Variants in JKAMP observed in about 807,000 individuals in gnomAD.
JKAMP encodes JNK1/MAPK8 associated membrane protein.
Under a neutral mutation model 40.2 loss-of-function variants are expected in JKAMP, and 20 were observed. That is an observed-to-expected ratio of 0.50 (90% CI 0.35 to 0.72). JKAMP has a LOEUF of 0.72. Among genes scored for constraint, JKAMP ranks in the 30% least tolerant of loss-of-function variants. JKAMP has a pLI of 0.01. For missense variants in JKAMP, 276 were observed against 373.0 expected (o/e 0.74, Z 2.14); for synonymous variants, 138 against 131.6 (o/e 1.05, Z -0.33).
At chr14:59,489,261 G>C (rs1890809770) in intron 3 of JKAMP, among the ~76,000 whole-genome samples, 1 of 152,196 alleles carries the variant, frequency 6.6e-6, no homozygotes, top group Non-Finnish European at 1.5e-5. Context: ...GTTAGAAGCA[G>C]CCACAGCACA....
intron 3 of JKAMP, among the ~76,000 whole-genome samples, chr14:59,494,617 A>G (rs1324723502): frequency 6.6e-6 from 1 of 152,228 alleles, no homozygotes; most frequent in African/African-American, 2.4e-5. Flanking sequence ...ATGGGGAGGA[A>G]CAAAGATGTA....
intron 1 of JKAMP, chr14:59,485,063 TA>T (rs748687037): frequency 6.3e-7 from 1 of 1,598,414 alleles, no homozygotes; most frequent in South Asian, 1.1e-5. Flanking sequence ...CATCGTTCGC[TA>T]AAGGAAATGA....
chr14:59,498,638 C>CT, intron 4 of JKAMP, 89 bp from the exon 5 acceptor site: 1 of 758,990 alleles, frequency 1.3e-6, no homozygotes, highest in Non-Finnish European at 2.1e-6. Context: ...TTTTAAACCT[C>CT]TTTTAGGCTC....
intron 1 of JKAMP, chr14:59,485,442 T>C (rs1196828170): frequency 4.3e-6 from 1 of 233,590 alleles, no homozygotes; most frequent in Non-Finnish European, 8.2e-6. Context: ...TATTCAATGC[T>C]GTTTCTCTTT....
At chr14:59,497,878 T>C (rs1891566970) in intron 4 of JKAMP, among the ~76,000 whole-genome samples, 1 of 152,156 alleles carries the variant, frequency 6.6e-6, no homozygotes. Context: ...GCTGACTTCC[T>C]AGGACACTCC....
At chr14:59,500,217 A>C (rs147474338) in intron 5 of JKAMP, among the ~76,000 whole-genome samples, 10 of 152,324 alleles carry the variant, frequency 6.6e-5, no homozygotes, top group Admixed American at 2.0e-4. Flanking sequence ...ATAAATGTCA[A>C]ATAAGTCATT....
In JKAMP at chr14:59,504,507, C is replaced by T; in HGVS notation, c.*435C>T. On this transcript the variant is annotated 3_prime_UTR_variant, in exon 7 of 7. Transcript: ENST00000616435. ...ATAATGAATTGTAAAAACAAACATA[C>T]TTGTGGGGTCTGATAGCAAACATAG... The T allele has an allele frequency of 6.5e-6, 1 of 154,500 alleles. No individual in the cohort carries two copies. The highest frequency in any genetic ancestry group is 1.4e-5 in the Non-Finnish European group (1 of 71,284). The allele number at this position is 154,500 out of a possible 1,614,324, so 9.6% of individuals were successfully genotyped here.
Position 59,484,556 on chromosome 14 carries a change from C to A in JKAMP, c.-34C>A, listed in dbSNP as rs754261436. ...CGGTGCAGCTGCCAGATCCGCTGAT[C>A]TAGTGCTTCTCGAAAAAAACCTTCA... On this transcript the variant is annotated 5_prime_UTR_variant, in exon 1 of 7. Transcript: ENST00000616435. The A allele has an allele frequency of 5.1e-6, 8 of 1,567,958 alleles. No homozygotes were observed. The highest frequency in any genetic ancestry group is 6.9e-6 in the Non-Finnish European group (8 of 1,156,650).
At chr14:59,491,603 C>T (rs1268525527) in intron 3 of JKAMP, among the ~76,000 whole-genome samples, 1 of 152,162 alleles carries the variant, frequency 6.6e-6, no homozygotes, top group African/African-American at 2.4e-5. Context: ...CTGTTTCCAA[C>T]AATGTGAGTT....
intron 4 of JKAMP, among the ~76,000 whole-genome samples, chr14:59,496,205 C>T (rs1380365932): frequency 5.3e-5 from 8 of 152,030 alleles, no homozygotes; most frequent in Middle Eastern, 3.4e-3. Context: ...TGTGCCCGGC[C>T]TCTCCCTGCC....
At position 59,505,387 on chromosome 14, in the gene JKAMP, T is replaced by C; in HGVS notation, c.*1315T>C. The stretch of plus-strand genomic sequence containing the variant: ...CATTTGGGGGGTTATTAGTGTTCAT[T>C]AAAATTCTGAGTTGCCCAAAGAATC... On this transcript the variant is annotated 3_prime_UTR_variant, in exon 7 of 7. Coordinates refer to ENST00000616435, the MANE Select transcript of JKAMP (RefSeq NM_016475.5). 2 of 801,312 alleles carry C rather than the reference T, an allele frequency of 2.5e-6. No individual in the cohort carries two copies. The highest frequency in any genetic ancestry group is 2.5e-5 in the South Asian group (1 of 40,522). 49.6% of individuals were successfully genotyped at this position (801,312 alleles called of 1,614,324 possible).
At chr14:59,485,124 A>T in intron 1 of JKAMP, 2 of 1,598,272 alleles carry the variant, frequency 1.3e-6, no homozygotes, top group East Asian at 2.2e-5. Flanking sequence ...TTAGTAAGTG[A>T]TAGGCTGTTT....
At position 59,497,651 on chromosome 14, in the gene JKAMP, T is replaced by C. The variant is rs559327118; in HGVS notation, c.459-1076T>C. Among the ~76,000 whole-genome samples, 6 of 152,280 alleles carry C rather than the reference T, an allele frequency of 3.9e-5. No homozygotes were observed. The East Asian group carries it at 1.2e-3, about 29-fold the overall frequency. The stretch of plus-strand genomic sequence containing the variant: ...TTAAAATCATCTTTTTTAGAGCTCT[T>C]AAGGAACTACAAGTTGCAGGAATGG... On this transcript the variant is annotated intron_variant, in intron 4 of 6. Coordinates refer to ENST00000616435, the MANE Select transcript of JKAMP (RefSeq NM_016475.5).
At chr14:59,492,010 C>T (rs1433384722) in intron 3 of JKAMP, among the ~76,000 whole-genome samples, 1 of 152,148 alleles carries the variant, frequency 6.6e-6, no homozygotes, top group African/African-American at 2.4e-5. Flanking sequence ...GTAATGGCCT[C>T]ATAGTCTGTG....
intron 6 of JKAMP, among the ~76,000 whole-genome samples, chr14:59,503,199 A>AAAAG (rs1892070560): frequency 6.6e-6 from 1 of 152,192 alleles, no homozygotes. Context: ...CTAAAACGGA[A>AAAAG]AAAGACAGCT....
At chr14:59,489,887 T>A (rs1274931062) in intron 3 of JKAMP, among the ~76,000 whole-genome samples, 1 of 113,524 alleles carries the variant, frequency 8.8e-6, no homozygotes, top group African/African-American at 4.0e-5. Flanking sequence ...TACCTCTTTC[T>A]TTCATTTTTT....
rs1299084960 is a variant in JKAMP at position 59,505,297 on chromosome 14, C to T, written c.*1225C>T. On this transcript the variant is annotated 3_prime_UTR_variant, in exon 7 of 7. Transcript: ENST00000616435. ...AACCACTGGGAAATGAACCCTTGTA[C>T]GAATGTGTTTCTTCTTCTCTGTAGG... The T allele has an allele frequency of 1.6e-5, 24 of 1,499,228 alleles. 1 individual carries two copies. Among genetic ancestry groups the T allele is most frequent in the East Asian group, 2.5e-5 (1 of 40,468 alleles). 92.9% of individuals were successfully genotyped at this position (1,499,228 alleles called of 1,614,324 possible). A position where few individuals can be genotyped will look rare whatever the true frequency, so the allele number is the denominator to read the frequency against.
chr14:59,503,776 TAA>T (rs1294094893), intron 6 of JKAMP, 76 bp from the exon 7 acceptor site: 5 of 800,832 alleles, frequency 6.2e-6, no homozygotes, highest in South Asian at 1.8e-5. Flanking sequence ...CATTTTATAT[TAA>T]GTTATATTAA....
At position 59,487,867 on chromosome 14, in the gene JKAMP, GTT is replaced by G; in HGVS notation, c.251+40_251+41del. 5 of 1,578,174 alleles carry G rather than the reference GTT, an allele frequency of 3.2e-6. 1 individual carries two copies. The Middle Eastern group carries it at 8.4e-4, about 264-fold the overall frequency. ...TATGAACATATCTGGCTGGACTAAT[GTT>G]GGAATAATTATCACTCAGAAGACCT... is the stretch of plus-strand genomic sequence containing the variant. On this transcript the variant is annotated intron_variant, in intron 3 of 6. Coordinates refer to ENST00000616435, the MANE Select transcript of JKAMP (RefSeq NM_016475.5).
Sources: allele counts gnomAD v4.1 joint callset (sites outside exome capture counted in the v4.1 genomes callset), GRCh38; gene constraint gnomAD v4.1.1; transcripts MANE v1.5; gene names NCBI Gene and HGNC (gene_info 2026-07-23, HGNC 2026-07-21).